The following ZNF831 variants were observed in gnomAD, a reference collection of about 807,000 sequenced individuals.
The protein encoded by ZNF831 is zinc finger protein 831.
A neutral mutation model predicts 95.8 loss-of-function variants in ZNF831; 59 were observed. The observed-to-expected ratio is 0.62, with a 90% CI of 0.50 to 0.77. The LOEUF (loss-of-function observed/expected upper bound fraction) is 0.77, where lower values mean the gene tolerates loss of function less well. Among genes scored for constraint, ZNF831 ranks in the 30% least tolerant of loss-of-function variants. ZNF831 has a pLI of 0.00. For synonymous variants in ZNF831, 961 were observed against 925.5 expected, an observed-to-expected ratio of 1.04 and a Z score of -0.70; for missense variants, 2,205 against 2,164.0, an observed-to-expected ratio of 1.02 and a Z score of -0.38.
intron 1 of ZNF831, among the ~76,000 whole-genome samples, chr20:59,170,172 G>C (rs1269545983): frequency 1.3e-5 from 2 of 152,056 alleles, no homozygotes; most frequent in Non-Finnish European, 2.9e-5. Flanking sequence ...TACATAGTAG[G>C]TGTATATATT....
intron 3 of ZNF831, among the ~76,000 whole-genome samples, chr20:59,198,479 T>C (rs1984283833): frequency 6.6e-6 from 1 of 152,164 alleles, no homozygotes; most frequent in Non-Finnish European, 1.5e-5. Flanking sequence ...CCTAATGTCT[T>C]ACCCTCGGCC....
chr20:59,253,527 C>A (rs926272934), intron 5 of ZNF831, among the ~76,000 whole-genome samples: 4 of 151,832 alleles, frequency 2.6e-5, no homozygotes, highest in African/African-American at 4.8e-5. Flanking sequence ...CCGGAAAAAA[C>A]CAAAAAACCA....
chr20:59,188,596 G>C (rs1280814631), intron 1 of ZNF831, among the ~76,000 whole-genome samples: 1 of 152,076 alleles, frequency 6.6e-6, no homozygotes, highest in Admixed American at 6.5e-5. Context: ...GGCGGAGGTT[G>C]CAGTGAGCTG....
rs927381855 is a variant in ZNF831 at position 59,258,271 on chromosome 20, T to G, written c.*3528T>G. The G allele has an allele frequency of 2.6e-5, 4 of 152,554 alleles. No homozygotes were observed. Among genetic ancestry groups the G allele is most frequent in the African/African-American group, 9.6e-5 (4 of 41,458 alleles). 9.5% of individuals were successfully genotyped at this position (152,554 alleles called of 1,614,324 possible). On this transcript the variant is annotated 3_prime_UTR_variant, in exon 6 of 6. Coordinates refer to ENST00000371030, the MANE Select transcript of ZNF831 (RefSeq NM_178457.3). ...TAGGGCAAGACAGACTTTTTCTTCC[T>G]GAAATCACTCTTCTAAAGCTGAGAC...
intron 1 of ZNF831, among the ~76,000 whole-genome samples, chr20:59,171,741 CAT>C (rs911250335): frequency 1.8e-4 from 28 of 152,194 alleles, no homozygotes; most frequent in African/African-American, 6.8e-4. Context: ...ATATAACACA[CAT>C]AGAGACCATA....
At chr20:59,138,821 C>T (rs868819423) in intron 1 of ZNF831, among the ~76,000 whole-genome samples, 9 of 152,162 alleles carry the variant, frequency 5.9e-5, no homozygotes, top group African/African-American at 1.4e-4. Context: ...TGTTTTAGGC[C>T]ACTGGGACTT....
chr20:59,199,117 A>G (rs915740676), intron 3 of ZNF831, among the ~76,000 whole-genome samples: 51 of 120,246 alleles, frequency 4.2e-4, no homozygotes, highest in Non-Finnish European at 7.1e-4. Context: ...CTATCTATCT[A>G]TCTATCTATC....
chr20:59,239,222 C>A (rs1050805395), intron 4 of ZNF831, among the ~76,000 whole-genome samples: 1 of 152,044 alleles, frequency 6.6e-6, no homozygotes, highest in Non-Finnish European at 1.5e-5. Flanking sequence ...GAAAACCAAA[C>A]CAAACCCATT....
intron 2 of ZNF831, chr20:59,146,634 A>G (rs1313773646): frequency 6.6e-6 from 1 of 152,118 alleles, no homozygotes; most frequent in Admixed American, 6.5e-5. Context: ...TCAGATGTGG[A>G]TGAAGGTGCC....
chr20:59,203,046 G>T lies in ZNF831; in HGVS notation c.3876-3859G>T, dbSNP rs375764700. On this transcript the variant is annotated intron_variant, in intron 3 of 5. Transcript: ENST00000371030. ...TTATTTTTTAACCTTGATAATGATG[G>T]TTTTTTCATTAAGAATTTGTAAATT... Among the ~76,000 whole-genome samples, 12 of 152,188 alleles carry T rather than the reference G, an allele frequency of 7.9e-5. No homozygotes were observed. In the East Asian group the frequency reaches 1.5e-3, roughly 20 times the overall value.
chr20:59,210,218 C>T (rs1985197321), intron 4 of ZNF831, among the ~76,000 whole-genome samples: 1 of 152,180 alleles, frequency 6.6e-6, no homozygotes, highest in Non-Finnish European at 1.5e-5. Flanking sequence ...AAACCTAATA[C>T]AATTAAAACA....
chr20:59,140,808 G>T (rs1249995325), intron 1 of ZNF831, among the ~76,000 whole-genome samples: 1 of 152,178 alleles, frequency 6.6e-6, no homozygotes, highest in African/African-American at 2.4e-5. Flanking sequence ...TTACCATTGA[G>T]TTTGGAAAGT....
At chr20:59,125,970 C>T (rs1237275939) in intron 1 of ZNF831, among the ~76,000 whole-genome samples, 6 of 152,126 alleles carry the variant, frequency 3.9e-5, no homozygotes, top group Non-Finnish European at 5.9e-5. Context: ...CAATTATAAA[C>T]GACCCTTGGT....
At position 59,258,124 on chromosome 20, in the gene ZNF831, G is replaced by A. The variant is rs889918478; in HGVS notation, c.*3381G>A. On this transcript the variant is annotated 3_prime_UTR_variant, in exon 6 of 6. Transcript: ENST00000371030. ...TGAGACAAAGCTAATAATCCCCTTTGGTTCACATCTCACAGTAACCAGGAG... is the reference window on the plus strand; with the variant it reads ...TGAGACAAAGCTAATAATCCCCTTTAGTTCACATCTCACAGTAACCAGGAG... 15 of 152,048 alleles carry A rather than the reference G, an allele frequency of 9.9e-5. No individual in the cohort carries two copies. The highest frequency in any genetic ancestry group is 3.4e-4 in the African/African-American group (14 of 41,390). 9.4% of individuals were successfully genotyped at this position (152,048 alleles called of 1,614,324 possible).
intron 1 of ZNF831, among the ~76,000 whole-genome samples, chr20:59,167,333 A>T (rs6026744): frequency 0.14 from 20,829 of 151,810 alleles, 1,559 homozygotes; most frequent in African/African-American, 0.19. Flanking sequence ...GATTTTAAAT[A>T]TAAGTCCCTT....
chr20:59,198,596 A>C (rs1305918991), intron 3 of ZNF831, among the ~76,000 whole-genome samples: 1 of 152,188 alleles, frequency 6.6e-6, no homozygotes, highest in African/African-American at 2.4e-5. Flanking sequence ...CCACTCAACA[A>C]ATCACGACAA....
intron 4 of ZNF831, among the ~76,000 whole-genome samples, chr20:59,231,347 T>C (rs1334664306): frequency 6.6e-6 from 1 of 152,226 alleles, no homozygotes; most frequent in Non-Finnish European, 1.5e-5. Flanking sequence ...AGTCCACATG[T>C]GTTTTTCCTT....
upstream of ZNF831, among the ~76,000 whole-genome samples, chr20:59,163,305 G>T (rs1233255596): frequency 6.6e-6 from 1 of 151,992 alleles, no homozygotes; most frequent in Admixed American, 6.6e-5. Flanking sequence ...TTGCCTGATT[G>T]CTCTGGCTAG....
In ZNF831 at chr20:59,169,200, C is replaced by A. The variant is rs1204576077; in HGVS notation, c.-37+4993C>A. On this transcript the variant is annotated intron_variant, in intron 1 of 5. Transcript: ENST00000371030. The surrounding 1 kb of genome is among the most constrained non-coding windows in gnomAD (Gnocchi z 4.1). ...TTCTTAGCAGGGAGCTTCAAAATTG[C>A]AAATTCAATCTGATAAATAGTTATA... Among the ~76,000 whole-genome samples, 1 of 152,146 alleles carries A rather than the reference C, an allele frequency of 6.6e-6. No individual in the cohort carries two copies. The highest frequency in any genetic ancestry group is 6.5e-5 in the Admixed American group (1 of 15,276).
Sources: gnomAD v4.1 joint callset for allele counts (sites outside exome capture counted in the v4.1 genomes callset) on GRCh38, gnomAD v4.1.1 for gene constraint, Gnocchi (gnomAD v3.1) non-coding constraint, MANE v1.5 for transcripts, NCBI Gene and HGNC (gene_info 2026-07-23, HGNC 2026-07-21) for gene names.